The following TMEM117 variants were observed in gnomAD, a reference collection of about 807,000 sequenced individuals.
TMEM117 encodes the protein transmembrane protein 117.
TMEM117 carries 27 observed loss-of-function variants against 52.4 expected under a neutral mutation model. The ratio of observed to expected loss-of-function variants is 0.51; its 90% CI spans 0.38 to 0.71. The LOEUF is 0.71. TMEM117 is among the 30% of genes least tolerant of loss of function. TMEM117 has a pLI of 0.00. For missense variants in TMEM117, 556 were observed against 630.5 expected (o/e 0.88, Z 1.26); for synonymous variants, 215 against 206.3 (o/e 1.04, Z -0.36).
intron 3 of TMEM117, among the ~76,000 whole-genome samples, chr12:44,133,103 G>A (rs1948440391): frequency 6.6e-6 from 1 of 152,196 alleles, no homozygotes; most frequent in Admixed American, 6.5e-5. Context: ...ATGGTACAAT[G>A]ATGTGGGTGT....
At chr12:44,016,901 C>G (rs1364895691) in intron 3 of TMEM117, among the ~76,000 whole-genome samples, 2 of 152,082 alleles carry the variant, frequency 1.3e-5, no homozygotes, top group Non-Finnish European at 2.9e-5. Context: ...AATTAAGTAT[C>G]CTTGATTATT....
intron 4 of TMEM117, among the ~76,000 whole-genome samples, chr12:44,172,463 A>G (rs1423951299): frequency 2.0e-5 from 3 of 152,176 alleles, no homozygotes; most frequent in Non-Finnish European, 2.9e-5. Context: ...GTGTCTTTAC[A>G]TAGCAGTTAT....
chr12:44,222,501 C>T (rs1247971036), intron 5 of TMEM117, among the ~76,000 whole-genome samples: 1 of 152,170 alleles, frequency 6.6e-6, no homozygotes, highest in Admixed American at 6.5e-5. Flanking sequence ...CCCTGATGCA[C>T]CTTGAGTGCC....
At chr12:43,854,628 TTTTA>T (rs199865737) in intron 2 of TMEM117, among the ~76,000 whole-genome samples, 3 of 151,814 alleles carry the variant, frequency 2.0e-5, no homozygotes, top group South Asian at 2.1e-4. Flanking sequence ...AAAATTTTAT[TTTTA>T]TTTATTTATT....
intron 3 of TMEM117, among the ~76,000 whole-genome samples, chr12:44,079,329 A>G (rs780051426): frequency 6.6e-6 from 1 of 152,158 alleles, no homozygotes; most frequent in African/African-American, 2.4e-5. Context: ...ACTCCCACCA[A>G]CAGTATAAAA....
intron 3 of TMEM117, among the ~76,000 whole-genome samples, chr12:43,981,196 C>G (rs1945754812): frequency 6.6e-6 from 1 of 152,156 alleles, no homozygotes; most frequent in Non-Finnish European, 1.5e-5. Context: ...CACCACATCT[C>G]AAGTCTATAT....
At chr12:44,108,268 A>C (rs1158989277) in intron 3 of TMEM117, among the ~76,000 whole-genome samples, 1 of 148,006 alleles carries the variant, frequency 6.8e-6, no homozygotes, top group African/African-American at 2.5e-5. Flanking sequence ...GGTTAGTTAC[A>C]TATGTATACA....
chr12:43,998,881 A>G (rs1162061914), intron 3 of TMEM117, among the ~76,000 whole-genome samples: 3 of 152,212 alleles, frequency 2.0e-5, no homozygotes, highest in African/African-American at 7.2e-5. Context: ...ACATAGAAAT[A>G]TGGTCAAGAG....
chr12:44,367,194 T>C (rs189838881), intron 6 of TMEM117, among the ~76,000 whole-genome samples: 5 of 152,210 alleles, frequency 3.3e-5, no homozygotes, highest in African/African-American at 1.2e-4. Flanking sequence ...ACAGCAAAGC[T>C]CCTCATTAGA....
At chr12:43,952,085 T>C (rs1298550366) in intron 3 of TMEM117, among the ~76,000 whole-genome samples, 1 of 151,480 alleles carries the variant, frequency 6.6e-6, no homozygotes, top group Admixed American at 6.6e-5. Flanking sequence ...AAAGCAACAA[T>C]AACAACAGCA....
intron 3 of TMEM117, among the ~76,000 whole-genome samples, chr12:44,008,042 A>G (rs1946229138): frequency 6.6e-6 from 1 of 152,190 alleles, no homozygotes; most frequent in Non-Finnish European, 1.5e-5. Flanking sequence ...CTGCAGCAGT[A>G]TGGCACCAGT....
At chr12:44,045,308 G>A (rs575435788) in intron 3 of TMEM117, among the ~76,000 whole-genome samples, 10 of 152,284 alleles carry the variant, frequency 6.6e-5, no homozygotes, top group African/African-American at 2.4e-4. Context: ...CCTTGATATG[G>A]CACCATTCTT....
At chr12:43,972,443 T>G (rs985884709) in intron 3 of TMEM117, among the ~76,000 whole-genome samples, 17 of 152,174 alleles carry the variant, frequency 1.1e-4, no homozygotes, top group African/African-American at 4.1e-4. Context: ...GGATTTATTG[T>G]GAAGAGTGAA....
chr12:44,258,599 A>C (rs1028498610), intron 5 of TMEM117, among the ~76,000 whole-genome samples: 2 of 151,964 alleles, frequency 1.3e-5, no homozygotes, highest in African/African-American at 4.8e-5. Flanking sequence ...ATTTATTCAA[A>C]CTCTTTTGAA....
chr12:44,146,675 T>C (rs1374215818), intron 4 of TMEM117, among the ~76,000 whole-genome samples: 2 of 152,238 alleles, frequency 1.3e-5, no homozygotes, highest in East Asian at 3.8e-4. Context: ...TACATATGTG[T>C]ATATTGATAA....
intron 6 of TMEM117, among the ~76,000 whole-genome samples, chr12:44,358,334 T>TA (rs931068336): frequency 6.6e-6 from 1 of 152,010 alleles, no homozygotes; most frequent in African/African-American, 2.4e-5. Flanking sequence ...AAATTAATTT[T>TA]AAAATGAAAT....
At position 44,242,743 on chromosome 12, in the gene TMEM117, GTCTA is replaced by G. The variant is rs888011681; in HGVS notation, c.608+31362_608+31365del. Among the ~76,000 whole-genome samples, 226 of 146,644 alleles carry G rather than the reference GTCTA, an allele frequency of 1.5e-3. 3 individuals are homozygous for G. Among genetic ancestry groups the G allele is most frequent in the African/African-American group, 5.2e-3 (209 of 40,118 alleles). ...AGATATATTCTATCTATATATTATA[GTCTA>G]TCTATATATTATATTCTATATTCTG... On this transcript the variant is annotated intron_variant, in intron 5 of 7. Transcript: ENST00000266534.
chr12:44,321,924 G>C (rs1951135950), intron 6 of TMEM117, among the ~76,000 whole-genome samples: 1 of 152,084 alleles, frequency 6.6e-6, no homozygotes, highest in South Asian at 2.1e-4. Flanking sequence ...TGAAAATCAT[G>C]GTTTATTTGA....
intron 3 of TMEM117, among the ~76,000 whole-genome samples, chr12:44,104,511 A>G (rs1947919073): frequency 6.7e-6 from 1 of 150,332 alleles, no homozygotes; most frequent in Non-Finnish European, 1.5e-5. Context: ...TTTAAGTCCC[A>G]CAAAGGTCCT....
Sources: gnomAD v4.1 joint callset for allele counts (sites outside exome capture counted in the v4.1 genomes callset) on GRCh38, gnomAD v4.1.1 for gene constraint, MANE v1.5 for transcripts, NCBI Gene and HGNC (gene_info 2026-07-23, HGNC 2026-07-21) for gene names.